MSN: variants seen among roughly 807,000 people sequenced by gnomAD.
MSN encodes the protein epididymis luminal protein 70.
Under a neutral mutation model 48.0 loss-of-function variants are expected in MSN, and 2 were observed. That is an observed-to-expected ratio of 0.04 (90% CI 0.02 to 0.13). The LOEUF is 0.13. MSN is among the 10% of genes least tolerant of loss of function. The pLI is 1.00. For missense variants in MSN, 267 were observed against 470.1 expected (o/e 0.57, Z 3.99); for synonymous variants, 146 against 166.9 (o/e 0.87, Z 0.97).
At chrX:65,647,495 G>A (rs1287775107) in intron 1 of MSN, among the ~76,000 whole-genome samples, 2 of 112,793 alleles carry the variant, frequency 1.8e-5, no homozygotes, top group East Asian at 5.6e-4. Flanking sequence ...ACAGGCGTAA[G>A]CCACTGCACC....
At chrX:65,716,065 G>T (rs1166588862) in intron 1 of MSN, among the ~76,000 whole-genome samples, 1 of 111,553 alleles carries the variant, frequency 9.0e-6, no homozygotes, top group Non-Finnish European at 1.9e-5. Context: ...AGCTTTTTCT[G>T]CCCTTTAGAT....
In MSN at chrX:65,657,706, T is replaced by C. The variant is rs61659755; in HGVS notation, c.-21-59112T>C. Among the ~76,000 whole-genome samples the C allele has an allele frequency of 2.2e-3, 242 of 111,642 alleles. 1 individual carries two copies. The highest frequency in any genetic ancestry group is 7.3e-3 in the African/African-American group (224 of 30,735). ...CCTTATCAGCCCTGCTTATGATTAC[T>C]CACCTGCTATCTCGAACCATTAGTC... On this transcript the variant is annotated intron_variant, in intron 1 of 3. Coordinates refer to the MSN transcript ENST00000609672.
intron 1 of MSN, among the ~76,000 whole-genome samples, chrX:65,596,300 G>T (rs1015553539): frequency 9.0e-6 from 1 of 111,268 alleles, no homozygotes; most frequent in Non-Finnish European, 1.9e-5. Flanking sequence ...TGCAGTCCTT[G>T]CTTAAGCTGA....
chrX:65,620,172 C>T (rs1309420921), intron 1 of MSN, among the ~76,000 whole-genome samples: 3 of 112,744 alleles, frequency 2.7e-5, no homozygotes, highest in Non-Finnish European at 3.8e-5. Context: ...TTTGTCTGTG[C>T]CCTGCCCCCA....
intron 1 of MSN, among the ~76,000 whole-genome samples, chrX:65,687,837 A>G (rs767319808): frequency 1.3e-4 from 14 of 111,705 alleles, no homozygotes; most frequent in Non-Finnish European, 2.6e-4. Flanking sequence ...ATCACACTCT[A>G]CTGAGATTGT....
intron 1 of MSN, among the ~76,000 whole-genome samples, chrX:65,633,320 G>C (rs1026423059): frequency 1.8e-5 from 2 of 111,302 alleles, no homozygotes; most frequent in East Asian, 2.8e-4. Flanking sequence ...CTTCTTCATG[G>C]GACCCTTGGT....
intron 2 of MSN, among the ~76,000 whole-genome samples, chrX:65,727,378 G>T (rs1397594937): frequency 9.0e-6 from 1 of 111,652 alleles, no homozygotes; most frequent in Non-Finnish European, 1.9e-5. Context: ...AGGAGGAGGT[G>T]GCAGAAATCA....
chrX:65,677,619 G>A (rs941392752), intron 1 of MSN, among the ~76,000 whole-genome samples: 3 of 110,337 alleles, frequency 2.7e-5, no homozygotes, highest in Non-Finnish European at 5.7e-5. Context: ...ATAGCCGGGC[G>A]TGTTGGCGGG....
intron 1 of MSN, among the ~76,000 whole-genome samples, chrX:65,708,559 C>T (rs1246494057): frequency 3.6e-5 from 4 of 110,579 alleles, no homozygotes; most frequent in Admixed American, 9.6e-5. Flanking sequence ...TCTCAAAGTG[C>T]GGGGATTACA....
At chrX:65,672,185 G>A (rs915109642) in intron 1 of MSN, among the ~76,000 whole-genome samples, 4 of 112,081 alleles carry the variant, frequency 3.6e-5, no homozygotes, top group African/African-American at 1.3e-4. Context: ...TCCCCAGAGG[G>A]GAGAATATCT....
chrX:65,608,146 G>T (rs766971517), intron 1 of MSN, among the ~76,000 whole-genome samples: 1 of 111,388 alleles, frequency 9.0e-6, no homozygotes, highest in East Asian at 2.8e-4. Flanking sequence ...ACAAGGAAAG[G>T]GGGTGGGAAG....
chrX:65,589,999 G>T (rs1297671479), intron 1 of MSN, among the ~76,000 whole-genome samples: 2 of 110,506 alleles, frequency 1.8e-5, no homozygotes, highest in Admixed American at 1.9e-4. Flanking sequence ...CCAAGTAGCT[G>T]GGATTACAGG....
intron 1 of MSN, among the ~76,000 whole-genome samples, chrX:65,690,411 C>T (rs2071161278): frequency 9.0e-6 from 1 of 111,399 alleles, no homozygotes; most frequent in Non-Finnish European, 1.9e-5. Flanking sequence ...AGTTATGGCC[C>T]CCAACCCAAA....
At chrX:65,607,943 T>C (rs1189842708) in intron 1 of MSN, among the ~76,000 whole-genome samples, 1 of 111,884 alleles carries the variant, frequency 8.9e-6, no homozygotes, top group Admixed American at 9.5e-5. Context: ...CCCAAGACTC[T>C]GTCTCAATTA....
In MSN at chrX:65,740,159, T is replaced by C. The variant is rs746040931; in HGVS notation, c.*266T>C. ...ATCTGTATGGCTAGAATATCCTACT[T>C]CTCCAGCCTAGAGGTACTTTCCACT... is the stretch of plus-strand genomic sequence containing the variant. On this transcript the variant is annotated 3_prime_UTR_variant, in exon 13 of 13. Transcript: ENST00000360270. 3.4e-6 allele frequency: 1 copy of C among 295,749 alleles called. No homozygotes were observed. Among genetic ancestry groups the C allele is most frequent in the Admixed American group, 5.5e-5 (1 of 18,109 alleles). The allele number at this position is 295,749 out of a possible 1,213,427, so 24.4% of individuals were successfully genotyped here. A position where few individuals can be genotyped will look rare whatever the true frequency, so the allele number is the denominator to read the frequency against.
At chrX:65,636,925 CA>C (rs747759325) in intron 1 of MSN, among the ~76,000 whole-genome samples, 337 of 57,312 alleles carry the variant, frequency 5.9e-3, no homozygotes, top group Middle Eastern at 0.017. Flanking sequence ...ACTAAAAATA[CA>C]AAAAAAAAAA....
intron 1 of MSN, among the ~76,000 whole-genome samples, chrX:65,680,176 C>G (rs1042628189): frequency 9.0e-6 from 1 of 111,718 alleles, no homozygotes; most frequent in African/African-American, 3.3e-5. Flanking sequence ...TTATATTTCC[C>G]CTTTTTTTAA....
rs981018358 is a variant in MSN, at chrX:65,604,831, T to A, written c.-22+16219T>A. 2.7e-5 allele frequency among the ~76,000 whole-genome samples: 3 copies of A among 112,163 alleles called. 1 individual carries two copies. The highest frequency in any genetic ancestry group is 5.6e-5 in the Non-Finnish European group (3 of 53,262). On this transcript the variant is annotated intron_variant, in intron 1 of 3. Transcript: ENST00000609672. ...CACCTCCACCACCACTACCCTTGTC[T>A]AAGCCATCATCACACTTCACCTATA...
intron 1 of MSN, among the ~76,000 whole-genome samples, chrX:65,623,958 G>A (rs1420848477): frequency 9.0e-6 from 1 of 110,893 alleles, no homozygotes; most frequent in Non-Finnish European, 1.9e-5. Flanking sequence ...TTGCTTTAGG[G>A]AATTTTTGTG....
Sources: gnomAD v4.1 joint callset for allele counts (sites outside exome capture counted in the v4.1 genomes callset) on GRCh38, gnomAD v4.1.1 for gene constraint, MANE v1.5 for transcripts, NCBI Gene and HGNC (gene_info 2026-07-23, HGNC 2026-07-21) for gene names.